The following MTA3 variants were observed in gnomAD, a reference collection of about 807,000 sequenced individuals.
MTA3 encodes metastasis associated 1 family member 3.
MTA3 carries 34 observed loss-of-function variants against 83.5 expected under a neutral mutation model. The ratio of observed to expected loss-of-function variants is 0.41; its 90% CI spans 0.31 to 0.54. The LOEUF (loss-of-function observed/expected upper bound fraction) is 0.54, where lower values mean the gene tolerates loss of function less well. MTA3 is among the 20% of genes least tolerant of loss of function. MTA3 has a pLI of 0.33. For synonymous variants in MTA3, 303 were observed against 252.7 expected (o/e 1.20, Z -1.89); for missense variants, 761 against 726.4 (o/e 1.05, Z -0.55).
intron 4 of MTA3, 103 bp downstream of exon 4, chr2:42,609,687 C>A: frequency 7.7e-7 from 1 of 1,303,604 alleles, no homozygotes; most frequent in Non-Finnish European, 1.0e-6. Context: ...CTTGCTTAAA[C>A]TACTTTGCTA....
At chr2:42,511,732 A>AAATAT (rs1674905382) in intron 2 of MTA3, 1 of 152,116 alleles carries the variant, frequency 6.6e-6, no homozygotes, top group Non-Finnish European at 1.5e-5. Context: ...AAATAAAATA[A>AAATAT]AATAGGCCAG....
At chr2:42,552,935 G>A (rs1021690329) in intron 2 of MTA3, among the ~76,000 whole-genome samples, 14 of 149,664 alleles carry the variant, frequency 9.4e-5, no homozygotes, top group Admixed American at 2.0e-4. Flanking sequence ...GGGCGACACC[G>A]CAAGACTCCA....
chr2:42,731,953 A>G (rs1175108446), intron 16 of MTA3, among the ~76,000 whole-genome samples: 1 of 152,216 alleles, frequency 6.6e-6, no homozygotes, highest in Non-Finnish European at 1.5e-5. Flanking sequence ...AGCCCATTCA[A>G]GTCTGAAATC....
Position 42,568,657 on chromosome 2 carries a change from G to GGCGGCAGCGGCGGTC in MTA3, c.-83_-69dup, listed in dbSNP as rs1553343292. 2.0e-6 allele frequency: 2 copies of GGCGGCAGCGGCGGTC among 994,294 alleles called. No individual in the cohort carries two copies. Among genetic ancestry groups the GGCGGCAGCGGCGGTC allele is most frequent in the Non-Finnish European group, 2.5e-6 (2 of 790,868 alleles). 61.6% of individuals were successfully genotyped at this position (994,294 alleles called of 1,614,324 possible). ...GTGGCGAGGCAGCAGCGACGGCGGC[G>GGCGGCAGCGGCGGTC]GCGGCAGCGGCGGTCGCGGCTGAGG... On this transcript the variant is annotated 5_prime_UTR_variant, in exon 1 of 17. Coordinates refer to ENST00000405094, the MANE Select transcript of MTA3 (RefSeq NM_001330442.2).
chr2:42,739,460 A>T (rs1668861976), intron 16 of MTA3, among the ~76,000 whole-genome samples: 1 of 151,310 alleles, frequency 6.6e-6, no homozygotes, highest in Non-Finnish European at 1.5e-5. Context: ...AAAAAAAAAA[A>T]GCTAATGATC....
rs144414459 is a variant in MTA3 at position 42,538,541 on chromosome 2, C to G, written c.-140-31896C>G. On this transcript the variant is annotated intron_variant, in intron 2 of 17. Transcript: ENST00000405592. ...TGGCCAACATGGTGAAATGCCATCT[C>G]TACTAAAACTACAAAAATTAGCTGG... Among the ~76,000 whole-genome samples the G allele has an allele frequency of 7.6e-3, 1,153 of 151,798 alleles. 18 individuals carry two copies. Among genetic ancestry groups the G allele is most frequent in the African/African-American group, 0.026 (1,070 of 41,440 alleles).
upstream of MTA3, among the ~76,000 whole-genome samples, chr2:42,565,844 A>C (rs1412651104): frequency 6.6e-6 from 1 of 152,008 alleles, no homozygotes; most frequent in African/African-American, 2.4e-5. Context: ...TCTCTACTAA[A>C]AATACAAAAA....
chr2:42,731,787 G>T (rs1028063773), intron 16 of MTA3, among the ~76,000 whole-genome samples: 6 of 152,144 alleles, frequency 3.9e-5, no homozygotes, highest in African/African-American at 1.2e-4. Context: ...AAAGTCCACA[G>T]TCCAGTCTCA....
chr2:42,624,644 G>A (rs1186612113), intron 4 of MTA3, among the ~76,000 whole-genome samples: 3 of 152,044 alleles, frequency 2.0e-5, no homozygotes, highest in Non-Finnish European at 4.4e-5. Context: ...TGTTTTTAAT[G>A]TGTATTAACT....
chr2:42,572,798 G>A (rs1678638622), intron 2 of MTA3, among the ~76,000 whole-genome samples: 2 of 152,122 alleles, frequency 1.3e-5, no homozygotes, highest in Admixed American at 1.3e-4. Context: ...CGCAATCTTG[G>A]CTCACTGCAA....
chr2:42,608,015 T>G (rs756261854), intron 3 of MTA3, among the ~76,000 whole-genome samples: 4 of 152,236 alleles, frequency 2.6e-5, no homozygotes, highest in Non-Finnish European at 4.4e-5. Flanking sequence ...AAAAAGTGGT[T>G]TTCATTAGTG....
intron 4 of MTA3, among the ~76,000 whole-genome samples, chr2:42,623,957 A>C (rs954640454): frequency 6.6e-6 from 1 of 151,788 alleles, no homozygotes; most frequent in African/African-American, 2.4e-5. Context: ...GGTGTGATCC[A>C]CCCACCTCGG....
intron 16 of MTA3, among the ~76,000 whole-genome samples, chr2:42,750,550 C>T (rs968488176): frequency 1.3e-5 from 2 of 152,126 alleles, no homozygotes; most frequent in African/African-American, 4.8e-5. Flanking sequence ...GGTGTTTGGA[C>T]GATAAATGCC....
rs570421012 is a variant in MTA3, at chr2:42,696,404, C to T, written c.966+565C>T. Among the ~76,000 whole-genome samples, 21 of 152,184 alleles carry T rather than the reference C, an allele frequency of 1.4e-4. No homozygotes were observed. The East Asian group carries it at 3.3e-3, about 24-fold the overall frequency. ...CCTAAATTCAGGTAACTCTCAATTA[C>T]TTATTTTTTGAATAATATTACCTCT... On this transcript the variant is annotated intron_variant, in intron 10 of 16. Coordinates refer to ENST00000405094, the MANE Select transcript of MTA3 (RefSeq NM_001330442.2).
At chr2:42,579,428 T>G (rs1679381658) in intron 3 of MTA3, among the ~76,000 whole-genome samples, 1 of 62,642 alleles carries the variant, frequency 1.6e-5, no homozygotes, top group East Asian at 3.4e-4. Flanking sequence ...TATATATATA[T>G]ATTTTTTTTT....
chr2:42,734,262 C>T (rs1469388440), intron 16 of MTA3, among the ~76,000 whole-genome samples: 2 of 151,996 alleles, frequency 1.3e-5, no homozygotes, highest in African/African-American at 4.8e-5. Flanking sequence ...ACTGAATTGA[C>T]CCCTTTATCA....
intron 8 of MTA3, among the ~76,000 whole-genome samples, chr2:42,681,692 G>C (rs1007309528): frequency 1.7e-4 from 26 of 151,350 alleles, no homozygotes; most frequent in African/African-American, 6.3e-4. Context: ...TTTTATTTTT[G>C]CAGAGACAGG....
chr2:42,710,806 C>T (rs1001036694), intron 14 of MTA3, among the ~76,000 whole-genome samples: 1 of 152,026 alleles, frequency 6.6e-6, no homozygotes, highest in African/African-American at 2.4e-5. Flanking sequence ...AGACCAGTCA[C>T]GGTGGCTTAC....
chr2:42,641,942 T>A (rs979550724), intron 5 of MTA3, among the ~76,000 whole-genome samples: 4 of 152,010 alleles, frequency 2.6e-5, no homozygotes, highest in Admixed American at 6.6e-5. Flanking sequence ...ACTATTCAGG[T>A]GATGGGTACA....
Sources: gnomAD v4.1 joint callset for allele counts (sites outside exome capture counted in the v4.1 genomes callset) on GRCh38, gnomAD v4.1.1 for gene constraint, MANE v1.5 for transcripts, NCBI Gene and HGNC (gene_info 2026-07-23, HGNC 2026-07-21) for gene names.